The following ZNF385D variants were observed in gnomAD, a reference collection of about 807,000 sequenced individuals.
The protein encoded by ZNF385D is zinc finger protein 385D.
In ZNF385D, 15 loss-of-function variants were observed where a neutral mutation model predicts 35.8. The ratio of observed to expected loss-of-function variants is 0.42; its 90% CI spans 0.28 to 0.64. The LOEUF (loss-of-function observed/expected upper bound fraction) is 0.64. Ranked by LOEUF, ZNF385D falls within the 30% of genes least tolerant of loss-of-function variation. The pLI is 0.23. For missense variants in ZNF385D, 474 were observed against 494.6 expected (o/e 0.96, Z 0.39); for synonymous variants, 212 against 186.8 (o/e 1.13, Z -1.10).
chr3:21,759,537 A>G (rs2070505722), intron 3 of ZNF385D, among the ~76,000 whole-genome samples: 2 of 152,208 alleles, frequency 1.3e-5, no homozygotes, highest in Admixed American at 1.3e-4. Flanking sequence ...TTCCAAGGAC[A>G]GAAATATAAT....
chr3:22,044,474 A>C (rs1334885092), intron 3 of ZNF385D, among the ~76,000 whole-genome samples: 1 of 152,152 alleles, frequency 6.6e-6, no homozygotes, highest in African/African-American at 2.4e-5. Flanking sequence ...AAAATTTTTA[A>C]AAAGACACAG....
intron 2 of ZNF385D, among the ~76,000 whole-genome samples, chr3:22,209,373 A>T (rs970685094): frequency 1.3e-5 from 2 of 151,934 alleles, no homozygotes; most frequent in Admixed American, 1.3e-4. Context: ...ATAGGAGTTG[A>T]TTCAACTGTA....
At chr3:21,892,467 TG>T in intron 3 of ZNF385D, among the ~76,000 whole-genome samples, 1 of 152,178 alleles carries the variant, frequency 6.6e-6, no homozygotes, top group South Asian at 2.1e-4. Flanking sequence ...CAAATAGACT[TG>T]TTTGTGCTTT....
intron 3 of ZNF385D, among the ~76,000 whole-genome samples, chr3:22,001,256 C>A (rs1046082699): frequency 6.6e-6 from 1 of 151,864 alleles, no homozygotes; most frequent in Admixed American, 6.6e-5. Flanking sequence ...ACTCACTTCA[C>A]TGGTAGACAC....
chr3:21,827,309 G>C (rs556974947), intron 3 of ZNF385D, among the ~76,000 whole-genome samples: 1 of 152,172 alleles, frequency 6.6e-6, no homozygotes, highest in South Asian at 2.1e-4. Flanking sequence ...CTTTAATACA[G>C]TTATGGACAA....
At chr3:22,345,352 C>T (rs1424208159) in intron 2 of ZNF385D, among the ~76,000 whole-genome samples, 2 of 152,166 alleles carry the variant, frequency 1.3e-5, no homozygotes, top group Admixed American at 1.3e-4. Flanking sequence ...AATGAACCTA[C>T]ATTTTCAATG....
chr3:22,230,798 T>C (rs879557992), intron 2 of ZNF385D, among the ~76,000 whole-genome samples: 1 of 152,178 alleles, frequency 6.6e-6, no homozygotes, highest in Non-Finnish European at 1.5e-5. Context: ...TTAATTTAAA[T>C]TGTCATGAGT....
intron 3 of ZNF385D, among the ~76,000 whole-genome samples, chr3:22,029,107 G>A (rs944698859): frequency 1.3e-5 from 2 of 152,072 alleles, no homozygotes; most frequent in African/African-American, 2.4e-5. Flanking sequence ...AGGGAGGAAC[G>A]CTGCCACCAG....
intron 2 of ZNF385D, among the ~76,000 whole-genome samples, chr3:22,345,696 T>C (rs1695627088): frequency 6.6e-6 from 1 of 152,156 alleles, no homozygotes; most frequent in Non-Finnish European, 1.5e-5. Context: ...GATGCCCCCC[T>C]TCAGAACTAC....
chr3:22,100,630 A>G (rs1701882317), intron 3 of ZNF385D, among the ~76,000 whole-genome samples: 2 of 146,858 alleles, frequency 1.4e-5, no homozygotes, highest in Non-Finnish European at 3.0e-5. Flanking sequence ...TGGGAATTGA[A>G]CAATGAGAAC....
intron 1 of ZNF385D, among the ~76,000 whole-genome samples, chr3:21,713,089 G>A (rs939456514): frequency 2.0e-5 from 3 of 152,202 alleles, no homozygotes; most frequent in Admixed American, 6.5e-5. Context: ...AGAAGGCCAA[G>A]AGAATACCCT....
chr3:21,498,889 G>T lies in ZNF385D; in HGVS notation c.439+11972C>A, dbSNP rs1412813474. ...ACCTGGGAGGTAGAGGTTGCAGTGA[G>T]CTGAGATCGATCGCACCACTGCACC... On this transcript the variant is annotated intron_variant, in intron 4 of 7. Transcript: ENST00000281523. Among the ~76,000 whole-genome samples, 5 of 141,632 alleles carry T rather than the reference G, an allele frequency of 3.5e-5. No homozygotes were observed. The East Asian group carries it at 8.4e-4, about 24-fold the overall frequency. The allele number at this position is 141,632 out of a possible 152,430, so 92.9% of individuals were successfully genotyped here.
At chr3:21,816,694 A>G (rs1012805455) in intron 3 of ZNF385D, among the ~76,000 whole-genome samples, 1 of 152,146 alleles carries the variant, frequency 6.6e-6, no homozygotes, top group Non-Finnish European at 1.5e-5. Flanking sequence ...AGAACACAAA[A>G]AAATGGAAGA....
chr3:21,936,545 A>G (rs987520903), intron 3 of ZNF385D, among the ~76,000 whole-genome samples: 3 of 151,976 alleles, frequency 2.0e-5, no homozygotes, highest in Admixed American at 2.0e-4. Flanking sequence ...AGTTTTTTTT[A>G]TAGCATTTAT....
At chr3:21,642,487 A>G (rs985922980) in intron 2 of ZNF385D, among the ~76,000 whole-genome samples, 2 of 151,996 alleles carry the variant, frequency 1.3e-5, no homozygotes, top group Non-Finnish European at 1.5e-5. Context: ...ATGTCCTTCC[A>G]TAGCATGACA....
rs150253739 is a variant in ZNF385D, at chr3:21,714,275, A to G, written c.22+36620T>C. ...TTCCTGACACTTACTGAGCACATTC[A>G]TTCACTTTCCTGCTTCCCTAGACTA... On this transcript the variant is annotated intron_variant, in intron 1 of 7. Coordinates refer to ENST00000281523, the MANE Select transcript of ZNF385D (RefSeq NM_024697.3). 2.0e-5 allele frequency among the ~76,000 whole-genome samples: 3 copies of G among 152,222 alleles called. No individual in the cohort carries two copies. In the East Asian group the frequency reaches 5.8e-4, roughly 29 times the overall value.
chr3:22,097,242 T>C (rs751010947), intron 3 of ZNF385D, among the ~76,000 whole-genome samples: 1 of 152,038 alleles, frequency 6.6e-6, no homozygotes, highest in Non-Finnish European at 1.5e-5. Context: ...TTTGAGGTGG[T>C]TTGTTACAGA....
chr3:22,310,760 T>G (rs1360192084), intron 2 of ZNF385D, among the ~76,000 whole-genome samples: 1 of 151,920 alleles, frequency 6.6e-6, no homozygotes. Flanking sequence ...TTTGTAGAAC[T>G]TTTATGATTG....
At chr3:22,218,211 GTCT>G (rs1358553827) in intron 2 of ZNF385D, among the ~76,000 whole-genome samples, 2 of 151,870 alleles carry the variant, frequency 1.3e-5, no homozygotes, top group African/African-American at 4.8e-5. Context: ...ATATTATTGA[GTCT>G]TCTTTAATTT....
Sources: gnomAD v4.1 joint callset for allele counts (sites outside exome capture counted in the v4.1 genomes callset) on GRCh38, gnomAD v4.1.1 for gene constraint, MANE v1.5 for transcripts, NCBI Gene and HGNC (gene_info 2026-07-23, HGNC 2026-07-21) for gene names.